Variants in PACS1 observed in about 807,000 individuals in gnomAD.
PACS1 encodes the protein phosphofurin acidic cluster sorting protein 1, also known as PACS-1.
PACS1 carries 24 observed loss-of-function variants against 115.0 expected under a neutral mutation model. That is an observed-to-expected ratio of 0.21 (90% CI 0.15 to 0.29). The LOEUF is 0.29. Among genes scored for constraint, PACS1 ranks in the 10% least tolerant of loss-of-function variants. PACS1 has a pLI of 1.00. For missense variants in PACS1, 838 were observed against 1,251.2 expected, an observed-to-expected ratio of 0.67 and a Z score of 4.98; for synonymous variants, 453 against 504.5, an observed-to-expected ratio of 0.90 and a Z score of 1.37.
rs982980572 is a variant in PACS1, at chr11:66,156,239, T to C, written c.357-37247T>C. 0.011 allele frequency among the ~76,000 whole-genome samples: 1,127 copies of C among 107,028 alleles called. 115 individuals are homozygous for C. In the East Asian group the frequency reaches 0.21, roughly 20 times the overall value. 70.2% of individuals were successfully genotyped at this position (107,028 alleles called of 152,430 possible). On this transcript the variant is annotated intron_variant, in intron 1 of 23. Coordinates refer to ENST00000320580, the MANE Select transcript of PACS1 (RefSeq NM_018026.4). ...ATATATATATATATATATATATATA[T>C]ATATATATATATATAGTTTTTTTTT...
intron 1 of PACS1, among the ~76,000 whole-genome samples, chr11:66,165,486 C>T (rs1273236135): frequency 6.6e-6 from 1 of 152,100 alleles, no homozygotes. Context: ...CTGATCTTTC[C>T]GTTGAGATCA....
intron 1 of PACS1, among the ~76,000 whole-genome samples, chr11:66,174,110 A>G (rs1199281017): frequency 6.6e-6 from 1 of 152,254 alleles, no homozygotes; most frequent in African/African-American, 2.4e-5. Context: ...TGCCAAATAA[A>G]CACTTGAAAT....
intron 2 of PACS1, among the ~76,000 whole-genome samples, chr11:66,201,656 G>GTTT (rs1402427210): frequency 6.9e-6 from 1 of 145,264 alleles, no homozygotes; most frequent in Non-Finnish European, 1.5e-5. Context: ...AATGTTTTGG[G>GTTT]TTTTTGTTTT....
At chr11:66,140,599 G>T (rs1297837432) in intron 1 of PACS1, among the ~76,000 whole-genome samples, 1 of 152,182 alleles carries the variant, frequency 6.6e-6, no homozygotes, top group South Asian at 2.1e-4. Flanking sequence ...AAATTCAAAA[G>T]ATATAGAAGG....
intron 1 of PACS1, among the ~76,000 whole-genome samples, chr11:66,161,375 C>T (rs1226181914): frequency 2.0e-5 from 3 of 151,936 alleles, no homozygotes; most frequent in Admixed American, 2.0e-4. Flanking sequence ...ATCATAAGAG[C>T]CCAGGAGTTC....
intron 1 of PACS1, among the ~76,000 whole-genome samples, chr11:66,081,604 T>C (rs1237499543): frequency 6.6e-6 from 1 of 152,250 alleles, no homozygotes; most frequent in African/African-American, 2.4e-5. Flanking sequence ...TTTGGTTCTC[T>C]GAAGCAGTGG....
intron 21 of PACS1, 114 bp from the exon 22 acceptor site, chr11:66,241,313 G>A: frequency 1.4e-6 from 1 of 714,660 alleles, no homozygotes; most frequent in Non-Finnish European, 2.3e-6. Context: ...GAACAGAGCT[G>A]CAGCCTTCCT....
At chr11:66,201,632 A>G (rs1056018328) in intron 2 of PACS1, among the ~76,000 whole-genome samples, 1 of 151,614 alleles carries the variant, frequency 6.6e-6, no homozygotes, top group African/African-American at 2.4e-5. Context: ...GAAAAAAAAA[A>G]GTCAACAAAA....
At chr11:66,075,087 C>T (rs916530353) in intron 1 of PACS1, among the ~76,000 whole-genome samples, 2 of 151,760 alleles carry the variant, frequency 1.3e-5, no homozygotes, top group African/African-American at 2.4e-5. Flanking sequence ...GGACTACAGG[C>T]GCCTGCCACC....
chr11:66,103,932 T>TC (rs1171463070), intron 1 of PACS1, among the ~76,000 whole-genome samples: 2 of 136,182 alleles, frequency 1.5e-5, no homozygotes, highest in Admixed American at 7.5e-5. Flanking sequence ...CCCCATCCCC[T>TC]CCCCCCACTC....
intron 1 of PACS1, among the ~76,000 whole-genome samples, chr11:66,092,066 T>G (rs1857677219): frequency 6.6e-6 from 1 of 152,154 alleles, no homozygotes; most frequent in Non-Finnish European, 1.5e-5. Context: ...CAAATGGTAT[T>G]TCTAGTTCTA....
chr11:66,084,776 CT>C (rs2134504449), intron 1 of PACS1, among the ~76,000 whole-genome samples: 2 of 152,338 alleles, frequency 1.3e-5, no homozygotes, highest in South Asian at 4.1e-4. Context: ...ATCTTAGCGA[CT>C]TTCTGTGAGA....
chr11:66,219,371 C>A (rs1032908678), intron 7 of PACS1, among the ~76,000 whole-genome samples: 1 of 151,754 alleles, frequency 6.6e-6, no homozygotes, highest in East Asian at 2.0e-4. Flanking sequence ...TGCGTTCCAC[C>A]GTGGAGGTGG....
Position 66,070,572 on chromosome 11 carries a change from C to T in PACS1, c.86C>T (p.Pro29Leu), listed in dbSNP as rs1857289292. 4 of 1,487,164 alleles carry T rather than the reference C, an allele frequency of 2.7e-6. No individual in the cohort carries two copies. Among genetic ancestry groups the T allele is most frequent in the Non-Finnish European group, 2.7e-6 (3 of 1,125,160 alleles). 92.1% of individuals were successfully genotyped at this position (1,487,164 alleles called of 1,614,324 possible). A position where few individuals can be genotyped will look rare whatever the true frequency, so the allele number is the denominator to read the frequency against. Reference sequence around the variant, plus strand: ...CGGGGATCCGGGGTCGCCCAGTCCCCTCAGCAGCCGCCGCCGCAGCAGCAG... The same window carrying T: ...CGGGGATCCGGGGTCGCCCAGTCCCTTCAGCAGCCGCCGCCGCAGCAGCAG... ...GQRGSGVAQS[P>L]QQPPPQQQQQ... Residue 29 changes from proline to leucine, a missense_variant, in exon 1 of 24, where the codon CCT (proline) becomes CTT (leucine). Coordinates refer to ENST00000320580, the MANE Select transcript of PACS1 (RefSeq NM_018026.4). This position sits in a 1 kb window ranked among gnomAD's most constrained non-coding sequence, Gnocchi z 5.9.
intron 10 of PACS1, among the ~76,000 whole-genome samples, chr11:66,224,673 G>A (rs1240795069): frequency 6.6e-6 from 1 of 152,104 alleles, no homozygotes; most frequent in Non-Finnish European, 1.5e-5. Context: ...CTATTTTGAA[G>A]AGCCCCATAT....
At chr11:66,190,691 A>G (rs1387915999) in intron 1 of PACS1, among the ~76,000 whole-genome samples, 1 of 152,182 alleles carries the variant, frequency 6.6e-6, no homozygotes, top group Non-Finnish European at 1.5e-5. Context: ...CTGAATAGCC[A>G]TTTGTGAACT....
chr11:66,231,600 G>C (rs1243269239), intron 13 of PACS1, among the ~76,000 whole-genome samples: 1 of 152,186 alleles, frequency 6.6e-6, no homozygotes, highest in Non-Finnish European at 1.5e-5. Context: ...TGCATTGTCA[G>C]TGTGGCCTCC....
chr11:66,127,585 T>C (rs939822911), intron 1 of PACS1, among the ~76,000 whole-genome samples: 2 of 152,166 alleles, frequency 1.3e-5, no homozygotes, highest in Non-Finnish European at 2.9e-5. Flanking sequence ...TGCATCAGGG[T>C]ACGTTCAGTG....
chr11:66,222,520 G>A (rs970312216), intron 10 of PACS1, among the ~76,000 whole-genome samples: 1 of 152,072 alleles, frequency 6.6e-6, no homozygotes, highest in Non-Finnish European at 1.5e-5. Context: ...CTCTTCCTTC[G>A]TTTACAATGG....
Sources: allele counts gnomAD v4.1 joint callset (sites outside exome capture counted in the v4.1 genomes callset), GRCh38; gene constraint gnomAD v4.1.1; non-coding constraint Gnocchi (gnomAD v3.1); transcripts MANE v1.5; gene names NCBI Gene and HGNC (gene_info 2026-07-23, HGNC 2026-07-21).